Variants in MACROD2 observed in about 807,000 individuals in gnomAD.
The protein encoded by MACROD2 is mono-ADP ribosylhydrolase 2.
In MACROD2, 36 loss-of-function variants were observed where a neutral mutation model predicts 70.4. The observed-to-expected ratio is 0.51, with a 90% CI of 0.39 to 0.68. The LOEUF is 0.68. Ranked by LOEUF, MACROD2 falls within the 30% of genes least tolerant of loss-of-function variation. The pLI is 0.00. For synonymous variants in MACROD2, 172 were observed against 178.8 expected, an observed-to-expected ratio of 0.96 and a Z score of 0.30; for missense variants, 496 against 538.4, an observed-to-expected ratio of 0.92 and a Z score of 0.78.
chr20:14,087,074 G>A (rs934629220), intron 3 of MACROD2, among the ~76,000 whole-genome samples: 1 of 152,084 alleles, frequency 6.6e-6, no homozygotes, highest in African/African-American at 2.4e-5. Context: ...TCAGAATACC[G>A]GTCAGCTTGT....
chr20:15,759,480 G>T (rs2051403024), intron 8 of MACROD2, among the ~76,000 whole-genome samples: 1 of 152,182 alleles, frequency 6.6e-6, no homozygotes, highest in Non-Finnish European at 1.5e-5. Context: ...ATGTTTAATT[G>T]AGTTGCTGTG....
At chr20:15,885,639 T>G (rs952857165) in intron 9 of MACROD2, 125 bp from the exon 10 acceptor site, 1 of 875,152 alleles carries the variant, frequency 1.1e-6, no homozygotes, top group Non-Finnish European at 1.6e-6. Flanking sequence ...ATGCATGTTT[T>G]AACAGTCTGT....
intron 6 of MACROD2, among the ~76,000 whole-genome samples, chr20:15,314,403 C>G (rs1247444750): frequency 6.6e-6 from 1 of 152,060 alleles, no homozygotes; most frequent in Non-Finnish European, 1.5e-5. Context: ...TCAACCTGGG[C>G]AACATGGCAA....
intron 2 of MACROD2, among the ~76,000 whole-genome samples, chr20:14,062,587 T>A (rs985556867): frequency 2.6e-5 from 4 of 152,092 alleles, no homozygotes; most frequent in African/African-American, 9.7e-5. Flanking sequence ...GTGGGTAAGT[T>A]GTAGAAAAGG....
intron 3 of MACROD2, among the ~76,000 whole-genome samples, chr20:14,465,857 T>C (rs2084439857): frequency 6.6e-6 from 1 of 152,286 alleles, no homozygotes; most frequent in Middle Eastern, 3.4e-3. Context: ...TGTTGAATAG[T>C]GGCCCCCACT....
At chr20:14,735,068 G>C (rs989213873) in intron 5 of MACROD2, among the ~76,000 whole-genome samples, 2 of 151,998 alleles carry the variant, frequency 1.3e-5, no homozygotes, top group Non-Finnish European at 2.9e-5. Context: ...TCATGACTTA[G>C]AGTTGGTGAT....
chr20:14,426,200 A>C (rs1320791366), intron 3 of MACROD2, among the ~76,000 whole-genome samples: 1 of 151,982 alleles, frequency 6.6e-6, no homozygotes, highest in Non-Finnish European at 1.5e-5. Context: ...TTGATGTTGG[A>C]TCTACTGGAC....
chr20:15,682,387 ATG>A (rs2050172249), intron 8 of MACROD2, among the ~76,000 whole-genome samples: 1 of 152,244 alleles, frequency 6.6e-6, no homozygotes, highest in South Asian at 2.1e-4. Context: ...TCATGGGGAA[ATG>A]CTAATTGGTC....
chr20:15,829,452 A>T (rs1962642352), intron 8 of MACROD2, among the ~76,000 whole-genome samples: 1 of 152,108 alleles, frequency 6.6e-6, no homozygotes, highest in African/African-American at 2.4e-5. Context: ...CAAATCATTC[A>T]TCCAGGCCGT....
intron 4 of MACROD2, among the ~76,000 whole-genome samples, chr20:14,594,243 C>T (rs562557331): frequency 6.6e-6 from 1 of 152,308 alleles, no homozygotes; most frequent in Admixed American, 6.5e-5. Context: ...GCCTAATACT[C>T]ACTCATCTGT....
At chr20:14,788,219 A>C (rs921085806) in intron 5 of MACROD2, among the ~76,000 whole-genome samples, 7 of 152,082 alleles carry the variant, frequency 4.6e-5, no homozygotes, top group Non-Finnish European at 8.8e-5. Flanking sequence ...GAGCAGACAC[A>C]TTAGGGCGAC....
At chr20:15,032,203 C>T (rs966779527) in intron 5 of MACROD2, among the ~76,000 whole-genome samples, 8 of 152,194 alleles carry the variant, frequency 5.3e-5, no homozygotes, top group Non-Finnish European at 1.0e-4. Context: ...GCTTCCCAGG[C>T]CCCCAGGAGT....
chr20:15,687,756 G>A (rs1485808135), intron 8 of MACROD2, among the ~76,000 whole-genome samples: 3 of 152,080 alleles, frequency 2.0e-5, no homozygotes, highest in Non-Finnish European at 2.9e-5. Flanking sequence ...TAATGCTCCC[G>A]CCACATGCAA....
At chr20:14,441,586 T>C (rs2084123959) in intron 3 of MACROD2, among the ~76,000 whole-genome samples, 1 of 152,178 alleles carries the variant, frequency 6.6e-6, no homozygotes, top group Non-Finnish European at 1.5e-5. Flanking sequence ...TGATATGGCA[T>C]TGAGTCAGAA....
intron 2 of MACROD2, among the ~76,000 whole-genome samples, chr20:14,044,442 G>T (rs144813141): frequency 6.6e-6 from 1 of 152,140 alleles, no homozygotes; most frequent in Non-Finnish European, 1.5e-5. Flanking sequence ...CACTGCTGGC[G>T]TGGCAGCCTG....
intron 6 of MACROD2, among the ~76,000 whole-genome samples, chr20:15,260,778 T>A (rs2146044418): frequency 6.6e-6 from 1 of 152,152 alleles, no homozygotes; most frequent in South Asian, 2.1e-4. Flanking sequence ...TGCTAGCATT[T>A]GTTATTGCCT....
chr20:14,847,881 G>A (rs2073160252), intron 5 of MACROD2, among the ~76,000 whole-genome samples: 1 of 152,136 alleles, frequency 6.6e-6, no homozygotes, highest in African/African-American at 2.4e-5. Flanking sequence ...CAGGCCAGCA[G>A]CTCACAGAAG....
intron 8 of MACROD2, among the ~76,000 whole-genome samples, chr20:15,836,145 A>C (rs1435125287): frequency 6.6e-6 from 1 of 152,190 alleles, no homozygotes; most frequent in African/African-American, 2.4e-5. Flanking sequence ...TGCCTTTCTC[A>C]AACTCAGGCT....
At chr20:15,869,166 A>G (rs1211507098) in intron 9 of MACROD2, among the ~76,000 whole-genome samples, 1 of 146,508 alleles carries the variant, frequency 6.8e-6, no homozygotes, top group East Asian at 2.0e-4. Context: ...AATTTATATA[A>G]CGTATACACA....
Sources: allele counts gnomAD v4.1 joint callset (sites outside exome capture counted in the v4.1 genomes callset), GRCh38; gene constraint gnomAD v4.1.1; transcripts MANE v1.5; gene names NCBI Gene and HGNC (gene_info 2026-07-23, HGNC 2026-07-21).